ATP8B3: variants seen among roughly 807,000 people sequenced by gnomAD.
ATP8B3 encodes the protein phospholipid-transporting ATPase IK.
ATP8B3 carries 141 observed loss-of-function variants against 140.9 expected under a neutral mutation model. The ratio of observed to expected loss-of-function variants is 1.00; its 90% CI spans 0.87 to 1.15. The LOEUF is 1.15. ATP8B3 is among the 50% of genes most tolerant of loss of function. The pLI is 0.00. For missense variants in ATP8B3, 1,874 were observed against 1,740.6 expected (o/e 1.08, Z -1.36); for synonymous variants, 765 against 714.6 (o/e 1.07, Z -1.13).
Position 1,811,506 on chromosome 19 carries a change from A to G in ATP8B3, c.231T>C (p.Tyr77=). Reference sequence around the variant, plus strand: ...GTCCTCACCCTTCTGGTCTCCATTCATACTTCCTAGCCCGGCCAGGCTGGG... The same window carrying G: ...GTCCTCACCCTTCTGGTCTCCATTCGTACTTCCTAGCCCGGCCAGGCTGGG... ...HKAQPGRARK[Y]EWRPEGPTSM... The change falls in exon 2 of 29, where the codon TAT becomes TAC. Residue 77 remains tyrosine, a synonymous_variant. Coordinates refer to ENST00000310127, the MANE Select transcript of ATP8B3 (RefSeq NM_138813.4). 6.2e-7 allele frequency: 1 copy of G among 1,611,732 alleles called. No individual in the cohort carries two copies. The highest frequency in any genetic ancestry group is 8.5e-7 in the Non-Finnish European group (1 of 1,179,632).
chr19:1,806,201 C>T lies in ATP8B3; in HGVS notation c.678-32G>A, dbSNP rs760102238. On this transcript the variant is annotated intron_variant, in intron 7 of 28. Transcript: ENST00000310127. The surrounding 1 kb of genome is among the most constrained non-coding windows in gnomAD (Gnocchi z 5.6). ...GGAGAGGGGGTTGTGAAGGAGGCCC[C>T]TCCCTCTGCCAACCCTCCCCACACC... is the stretch of plus-strand genomic sequence containing the variant. 4.5e-6 allele frequency: 7 copies of T among 1,560,460 alleles called. 1 individual carries two copies. The South Asian group carries it at 7.1e-5, about 16-fold the overall frequency.
Position 1,794,060 on chromosome 19 carries a change from C to T in ATP8B3, c.2055+1815G>A, listed in dbSNP as rs2068597514. On this transcript the variant is annotated intron_variant, in intron 18 of 28. Coordinates refer to ENST00000310127, the MANE Select transcript of ATP8B3 (RefSeq NM_138813.4). This position sits in a 1 kb window ranked among gnomAD's most constrained non-coding sequence, Gnocchi z 4.8. ...TGTTTATTAAGAGACAGGGGTCTCG[C>T]CCTGTCGCCCAGGCTGGAGTGCAGT... Among the ~76,000 whole-genome samples, 1 of 152,172 alleles carries T rather than the reference C, an allele frequency of 6.6e-6. No homozygotes were observed. The highest frequency in any genetic ancestry group is 2.4e-5 in the African/African-American group (1 of 41,438).
chr19:1,804,099 A>C (rs1010381595), intron 10 of ATP8B3, among the ~76,000 whole-genome samples: 1 of 152,130 alleles, frequency 6.6e-6, no homozygotes, highest in Non-Finnish European at 1.5e-5. Flanking sequence ...CCTTCACAAT[A>C]AGATAAGAAA....
intron 20 of ATP8B3, 115 bp from the exon 21 acceptor site, chr19:1,790,947 C>A: frequency 1.2e-6 from 1 of 848,286 alleles, no homozygotes; most frequent in South Asian, 1.6e-5. Flanking sequence ...ACATGCCCCA[C>A]CCCCTGGCCA....
chr19:1,782,346 G>T lies in ATP8B3; in HGVS notation c.*682C>A. 1 of 296,650 alleles carries T rather than the reference G, an allele frequency of 3.4e-6. No homozygotes were observed. The highest frequency in any genetic ancestry group is 6.2e-6 in the Non-Finnish European group (1 of 160,052). The allele number at this position is 296,650 out of a possible 1,614,324, so 18.4% of individuals were successfully genotyped here. A position where few individuals can be genotyped will look rare whatever the true frequency, so the allele number is the denominator to read the frequency against. On this transcript the variant is annotated 3_prime_UTR_variant, in exon 29 of 29. Transcript: ENST00000310127. ...GAGGGCAATGACTGCTCCTCTGGGG[G>T]CAAGGATAGCTGCTCCTCCCCGGGC...
Position 1,789,581 on chromosome 19 carries a change from G to C in ATP8B3, c.2625C>G (p.Leu875=), listed in dbSNP as rs758645807. The C allele has an allele frequency of 1.9e-6, 3 of 1,593,872 alleles. No individual in the cohort carries two copies. Among genetic ancestry groups the C allele is most frequent in the Non-Finnish European group, 2.6e-6 (3 of 1,175,628 alleles). The change falls in exon 23 of 29, where the codon CTC becomes CTG. Residue 875 remains leucine, a synonymous_variant. Transcript: ENST00000310127. ...CCTGGGCTGGCGGTGCAGCCAGCGG[G>C]AGCCCGAACCTCCGGCACAGCAGGG... ...RLSLLCRRFG[L]PLAAPPAQDS... is the part of the protein sequence containing the mutation.
rs773451326 is a variant in ATP8B3 at position 1,808,239 on chromosome 19, T to G, written c.499A>C (p.Ile167Leu). The G allele has an allele frequency of 9.0e-5, 145 of 1,611,380 alleles. 1 individual carries two copies. In the Admixed American group the frequency reaches 2.3e-3, roughly 26 times the overall value. ...CGCCTCACCTGCAGGATGATGATGA[T>G]GAGGAAGAACAGGTTGGACACGCGG... Reference protein sequence around the residue: ...FHRVSNLFFLIIIILQSIPDI... With the variant: ...FHRVSNLFFLLIIILQSIPDI... Residue 167 changes from isoleucine to leucine, a missense_variant, in exon 5 of 29, where the codon ATC becomes CTC. Coordinates refer to ENST00000310127, the MANE Select transcript of ATP8B3 (RefSeq NM_138813.4).
Position 1,782,837 on chromosome 19 carries a change from G to C in ATP8B3, c.*191C>G, listed in dbSNP as rs1161059160. 1.4e-6 allele frequency: 1 copy of C among 712,136 alleles called. No homozygotes were observed. The highest frequency in any genetic ancestry group is 1.8e-5 in the African/African-American group (1 of 55,902). The allele number at this position is 712,136 out of a possible 1,614,324, so 44.1% of individuals were successfully genotyped here. ...TGCCCTTGGCAATTGCTCTTGGAAA[G>C]ACTCAGATAGCCTGTTGCTGCTGGT... On this transcript the variant is annotated 3_prime_UTR_variant, in exon 29 of 29. Coordinates refer to ENST00000310127, the MANE Select transcript of ATP8B3 (RefSeq NM_138813.4).
intron 12 of ATP8B3, among the ~76,000 whole-genome samples, chr19:1,801,613 G>A (rs74593459): frequency 5.1e-4 from 78 of 152,016 alleles, no homozygotes; most frequent in African/African-American, 1.7e-3. Flanking sequence ...TTAGCCAGGC[G>A]TGGCGGCGTG....
intron 22 of ATP8B3, 39 bp downstream of exon 22, chr19:1,789,851 G>A: frequency 1.2e-6 from 2 of 1,603,298 alleles, no homozygotes; most frequent in Non-Finnish European, 1.7e-6. Context: ...GCCCCTCCCT[G>A]GCGCCGGGAC....
Position 1,785,748 on chromosome 19 carries a change from G to A in ATP8B3, c.3154-40C>T, listed in dbSNP as rs576314968. 108 of 1,195,546 alleles carry A rather than the reference G, an allele frequency of 9.0e-5. 1 individual carries two copies. Among genetic ancestry groups the A allele is most frequent in the Middle Eastern group, 6.0e-4 (3 of 5,008 alleles). The allele number at this position is 1,195,546 out of a possible 1,614,324, so 74.1% of individuals were successfully genotyped here. A position where few individuals can be genotyped will look rare whatever the true frequency, so the allele number is the denominator to read the frequency against. The stretch of plus-strand genomic sequence containing the variant: ...AAGCTCTTGGGATTGGGTGGGGGGC[G>A]GGGGACACCCAACAGAGATCAGGAT... On this transcript the variant is annotated intron_variant, in intron 25 of 28. Transcript: ENST00000310127.
intron 14 of ATP8B3, among the ~76,000 whole-genome samples, chr19:1,798,528 G>T (rs2068748929): frequency 6.6e-6 from 1 of 151,708 alleles, no homozygotes; most frequent in African/African-American, 2.4e-5. Context: ...CACGAGGTCA[G>T]GAGATCGAGA....
chr19:1,797,633 G>A (rs1358698176), intron 14 of ATP8B3, among the ~76,000 whole-genome samples: 1 of 151,664 alleles, frequency 6.6e-6, no homozygotes, highest in Admixed American at 6.6e-5. Context: ...CCGAGTAGCT[G>A]GGATTACAAG....
Position 1,811,733 on chromosome 19 carries a change from C to A in ATP8B3, c.4G>T (p.Gly2Cys). 1 of 1,588,018 alleles carries A rather than the reference C, an allele frequency of 6.3e-7. No individual in the cohort carries two copies. The highest frequency in any genetic ancestry group is 8.5e-7 in the Non-Finnish European group (1 of 1,171,892). Residue 2 changes from glycine (G) to cysteine (C), a missense_variant, in exon 2 of 29, where the codon GGC (glycine) becomes TGC (cysteine). Gly to Cys is a radical substitution (Grantham distance 159). Coordinates refer to ENST00000310127, the MANE Select transcript of ATP8B3 (RefSeq NM_138813.4). ...CTGGGAGTCTGAGCGGGGCCAGTGC[C>A]CATTCACCGCATGAGGAAAAGGGAG... M[G>C]TGPAQTPRST...
intron 10 of ATP8B3, among the ~76,000 whole-genome samples, chr19:1,804,202 C>A (rs1164543657): frequency 6.6e-6 from 1 of 152,120 alleles, no homozygotes; most frequent in Non-Finnish European, 1.5e-5. Context: ...AAATAAGAAA[C>A]CGTCAAGCAG....
intron 16 of ATP8B3, among the ~76,000 whole-genome samples, 158 bp downstream of exon 16, chr19:1,796,553 C>T (rs902399899): frequency 7.2e-5 from 11 of 152,234 alleles, no homozygotes; most frequent in Non-Finnish European, 1.6e-4. Context: ...GCTCCAGGCC[C>T]GGACGCCCTC....
intron 4 of ATP8B3, among the ~76,000 whole-genome samples, chr19:1,809,292 G>A (rs2069118196): frequency 6.6e-6 from 1 of 152,038 alleles, no homozygotes; most frequent in Non-Finnish European, 1.5e-5. Flanking sequence ...AGACCAGCCT[G>A]GCCAACATGG....
In ATP8B3 at chr19:1,785,270, C is replaced by A. The variant is rs763310679; in HGVS notation, c.3421G>T (p.Ala1141Ser). 5 of 1,605,346 alleles carry A rather than the reference C, an allele frequency of 3.1e-6. No individual in the cohort carries two copies. Among genetic ancestry groups the A allele is most frequent in the Admixed American group, 1.7e-5 (1 of 58,470 alleles). ...AGGAGGATGGTCGCCACGCACAGGG[C>A]GGTCCAGTACTTGATGATAAGAATG... ...EVILIIKYWT[A>S]LCVATILLSL... is the part of the protein sequence containing the mutation. Residue 1141 changes from alanine (A) to serine (S), a missense_variant, in exon 27 of 29, where the codon GCC becomes TCC. Ala to Ser is a moderately conservative substitution (Grantham distance 99). Transcript: ENST00000310127.
chr19:1,796,855 A>C lies in ATP8B3; in HGVS notation c.1609T>G (p.Phe537Val). ...TGGAAGAGCAGCTTCCCGTCGGCGA[A>C]CTTGTTCCAGAGGTAGGGGTTCTCC... is the stretch of plus-strand genomic sequence containing the variant. ...PKENPYLWNK[F>V]ADGKLLFHNA... is the part of the protein sequence containing the mutation. Residue 537 changes from phenylalanine (F) to valine (V), a missense_variant, in exon 16 of 29, where the codon TTC becomes GTC. Phe to Val is a conservative substitution (Grantham distance 50). Transcript: ENST00000310127. 1 of 1,612,276 alleles carries C rather than the reference A, an allele frequency of 6.2e-7. No homozygotes were observed. The highest frequency in any genetic ancestry group is 8.5e-7 in the Non-Finnish European group (1 of 1,179,462).
Sources: allele counts gnomAD v4.1 joint callset (sites outside exome capture counted in the v4.1 genomes callset), GRCh38; gene constraint gnomAD v4.1.1; non-coding constraint Gnocchi (gnomAD v3.1); transcripts MANE v1.5; gene names NCBI Gene and HGNC (gene_info 2026-07-23, HGNC 2026-07-21).